The following PPARD variants were observed in gnomAD, a reference collection of about 807,000 sequenced individuals.
PPARD encodes the protein peroxisome proliferator activated receptor delta.
PPARD carries 6 observed loss-of-function variants against 39.5 expected under a neutral mutation model. The observed-to-expected ratio is 0.15, with a 90% CI of 0.08 to 0.30. PPARD has a LOEUF of 0.30. Ranked by LOEUF, PPARD falls within the 10% of genes least tolerant of loss-of-function variation. PPARD has a pLI of 1.00. For synonymous variants in PPARD, 210 were observed against 231.3 expected (o/e 0.91, Z 0.83); for missense variants, 397 against 596.8 (o/e 0.67, Z 3.49).
At chr6:35,399,794 G>A (rs1206239946) in intron 2 of PPARD, among the ~76,000 whole-genome samples, 1 of 152,102 alleles carries the variant, frequency 6.6e-6, no homozygotes, top group African/African-American at 2.4e-5. Flanking sequence ...TGATCTTTAT[G>A]TAAATTCGTA....
At chr6:35,410,895 C>T (rs1765379065) in intron 2 of PPARD, 92 bp from the exon 3 acceptor site, 1 of 1,243,250 alleles carries the variant, frequency 8.0e-7, no homozygotes, top group Non-Finnish European at 1.0e-6. Context: ...GAACCCCCTC[C>T]ATGACAGCAG....
Position 35,418,801 on chromosome 6 carries a change from C to T in PPARD, c.131-1326C>T, listed in dbSNP as rs117674532. The stretch of plus-strand genomic sequence containing the variant: ...AGAGACTTGTGTTACCCCTAAACCT[C>T]ACCAGCCAGGAGGGGAGCAGCCCAC... On this transcript the variant is annotated intron_variant, in intron 3 of 7. Transcript: ENST00000360694. Among the ~76,000 whole-genome samples the T allele has an allele frequency of 1.3e-3, 192 of 152,306 alleles. 2 individuals are homozygous for T. The East Asian group carries it at 0.031, about 24-fold the overall frequency.
At chr6:35,382,893 T>C (rs1348233800) in intron 2 of PPARD, among the ~76,000 whole-genome samples, 1 of 152,210 alleles carries the variant, frequency 6.6e-6, no homozygotes. Flanking sequence ...GTATGTGTTG[T>C]TGTTATTATC....
At chr6:35,343,997 G>T (rs1221218750) in intron 1 of PPARD, among the ~76,000 whole-genome samples, 3 of 150,626 alleles carry the variant, frequency 2.0e-5, no homozygotes, top group Non-Finnish European at 1.5e-5. Context: ...TTTTTTTCCC[G>T]TTTGAGTTTT....
intron 2 of PPARD, among the ~76,000 whole-genome samples, chr6:35,383,968 A>T (rs370361621): frequency 8.4e-6 from 1 of 119,588 alleles, no homozygotes; most frequent in African/African-American, 4.9e-5. Context: ...CCAGGCCAGC[A>T]GCCCCATCCG....
At chr6:35,419,443 AC>A (rs1317429413) in intron 3 of PPARD, among the ~76,000 whole-genome samples, 2 of 152,048 alleles carry the variant, frequency 1.3e-5, no homozygotes, top group African/African-American at 4.8e-5. Context: ...CACACTCAAC[AC>A]CCCGTGGTTC....
At chr6:35,348,310 G>T in intron 2 of PPARD, 1 of 974,366 alleles carries the variant, frequency 1.0e-6, no homozygotes, top group South Asian at 4.8e-5. Context: ...TGGTTTGCTG[G>T]TATATATGAG....
rs1305903636 is a variant in PPARD at position 35,426,173 on chromosome 6, C to G, written c.*94C>G. 6.0e-6 allele frequency: 9 copies of G among 1,500,774 alleles called. No individual in the cohort carries two copies. Among genetic ancestry groups the G allele is most frequent in the Middle Eastern group, 1.8e-4 (1 of 5,628 alleles). 93.0% of individuals were successfully genotyped at this position (1,500,774 alleles called of 1,614,324 possible). A position where few individuals can be genotyped will look rare whatever the true frequency, so the allele number is the denominator to read the frequency against. On this transcript the variant is annotated 3_prime_UTR_variant, in exon 8 of 8. Coordinates refer to ENST00000360694, the MANE Select transcript of PPARD (RefSeq NM_006238.5). Reference sequence around the variant, plus strand: ...TTCCATTGACCAGCCCTTGAGCACCCGGCCTGGAGCAGCAGAGTCCCACGA... The same window carrying G: ...TTCCATTGACCAGCCCTTGAGCACCGGGCCTGGAGCAGCAGAGTCCCACGA...
In PPARD at chr6:35,401,920, T is replaced by C. The variant is rs1248799174; in HGVS notation, c.-101-9067T>C. ...AGAAGGGCTCTGGCTCGGTCTCTGG[T>C]GAGTCTCTCTGCTGGCCGGCAGAAC... On this transcript the variant is annotated intron_variant, in intron 2 of 7. Coordinates refer to ENST00000360694, the MANE Select transcript of PPARD (RefSeq NM_006238.5). The surrounding 1 kb of genome is among the most constrained non-coding windows in gnomAD (Gnocchi z 4.1). 2.0e-5 allele frequency among the ~76,000 whole-genome samples: 3 copies of C among 152,088 alleles called. No individual in the cohort carries two copies. Among genetic ancestry groups the C allele is most frequent in the Non-Finnish European group, 4.4e-5 (3 of 68,018 alleles).
At chr6:35,343,449 G>T (rs1366356545) in intron 1 of PPARD, among the ~76,000 whole-genome samples, 1 of 151,848 alleles carries the variant, frequency 6.6e-6, no homozygotes, top group Non-Finnish European at 1.5e-5. Context: ...TTCTCTCCCT[G>T]TTCCTTTCCC....
chr6:35,415,778 C>CTGTGTGTGTGTGTGTG (rs369825175), intron 3 of PPARD, among the ~76,000 whole-genome samples: 31 of 143,854 alleles, frequency 2.2e-4, no homozygotes, highest in Middle Eastern at 7.0e-3. Flanking sequence ...GAAGGAGAAC[C>CTGTGTGTGTGTGTGTG]TGTGTGTGTG....
At chr6:35,391,262 TTAAAGG>T (rs1246020131) in intron 2 of PPARD, among the ~76,000 whole-genome samples, 3 of 152,348 alleles carry the variant, frequency 2.0e-5, no homozygotes, top group Non-Finnish European at 4.4e-5. Flanking sequence ...AAAGTTACTC[TTAAAGG>T]TTAAAACTAG....
chr6:35,353,318 ATTC>A (rs1407341711), intron 2 of PPARD, among the ~76,000 whole-genome samples: 1 of 152,172 alleles, frequency 6.6e-6, no homozygotes, highest in Admixed American at 6.5e-5. Context: ...ATGTAAGGAA[ATTC>A]TTCTTCACAT....
rs1176904124 is a variant in PPARD, at chr6:35,418,308, T to C, written c.131-1819T>C. Among the ~76,000 whole-genome samples, 3 of 148,094 alleles carry C rather than the reference T, an allele frequency of 2.0e-5. No homozygotes were observed. The East Asian group carries it at 6.0e-4, about 30-fold the overall frequency. Reference sequence around the variant, plus strand: ...CATGTTATCTCTTTTTCTTCCAACATCCGGTGCTGTGAGTTTTATTGTCCC... The same window carrying C: ...CATGTTATCTCTTTTTCTTCCAACACCCGGTGCTGTGAGTTTTATTGTCCC... On this transcript the variant is annotated intron_variant, in intron 3 of 7. Transcript: ENST00000360694.
intron 3 of PPARD, among the ~76,000 whole-genome samples, chr6:35,414,951 T>C (rs1221455955): frequency 6.6e-6 from 1 of 152,132 alleles, no homozygotes; most frequent in African/African-American, 2.4e-5. Flanking sequence ...ACAAGGAAAC[T>C]GAGGTTACCA....
At chr6:35,384,953 G>A (rs1763508600) in intron 2 of PPARD, among the ~76,000 whole-genome samples, 1 of 136,418 alleles carries the variant, frequency 7.3e-6, no homozygotes, top group Non-Finnish European at 1.6e-5. Context: ...CCCCATCCGG[G>A]AGGGAGGTGG....
At chr6:35,352,439 C>A (rs1344936825) in intron 2 of PPARD, among the ~76,000 whole-genome samples, 2 of 152,194 alleles carry the variant, frequency 1.3e-5, no homozygotes, top group Non-Finnish European at 2.9e-5. Context: ...CCACCTCAGC[C>A]TCCCAGAGTG....
intron 1 of PPARD, among the ~76,000 whole-genome samples, chr6:35,345,665 G>C (rs9658061): frequency 0.095 from 14,466 of 151,940 alleles, 1,260 homozygotes; most frequent in African/African-American, 0.23. Context: ...CTTTCAACCC[G>C]ACCTGTGGTC....
intron 2 of PPARD, among the ~76,000 whole-genome samples, chr6:35,394,910 T>A (rs1764228726): frequency 6.6e-6 from 1 of 152,126 alleles, no homozygotes; most frequent in African/African-American, 2.4e-5. Flanking sequence ...GCCACTGCCA[T>A]TAAAGAAGGC....
Sources: allele counts gnomAD v4.1 joint callset (sites outside exome capture counted in the v4.1 genomes callset), GRCh38; gene constraint gnomAD v4.1.1; non-coding constraint Gnocchi (gnomAD v3.1); transcripts MANE v1.5; gene names NCBI Gene and HGNC (gene_info 2026-07-23, HGNC 2026-07-21).